USP24: variants seen among roughly 807,000 people sequenced by gnomAD.
The protein encoded by USP24 is ubiquitin carboxyl-terminal hydrolase 24.
A neutral mutation model predicts 361.6 loss-of-function variants in USP24; 97 were observed. The observed-to-expected ratio is 0.27, with a 90% CI of 0.23 to 0.32. The LOEUF (loss-of-function observed/expected upper bound fraction) is 0.32, where lower values mean the gene tolerates loss of function less well. Ranked by LOEUF, USP24 falls within the 10% of genes least tolerant of loss-of-function variation. The pLI is 1.00. For missense variants in USP24, 2,353 were observed against 3,165.6 expected (o/e 0.74, Z 6.16); for synonymous variants, 1,098 against 1,124.6 (o/e 0.98, Z 0.47).
At position 55,148,273 on chromosome 1, in the gene USP24, T is replaced by TAA. The variant is rs142185905; in HGVS notation, c.1968+188_1968+189dup. 4.5e-4 allele frequency among the ~76,000 whole-genome samples: 62 copies of TAA among 137,576 alleles called. 1 individual carries two copies. Among genetic ancestry groups the TAA allele is most frequent in the African/African-American group, 1.2e-3 (47 of 37,958 alleles). 90.3% of individuals were successfully genotyped at this position (137,576 alleles called of 152,430 possible). A position where few individuals can be genotyped will look rare whatever the true frequency, so the allele number is the denominator to read the frequency against. ...TAAAAAGAAAATGAGTTAAGGAGAT[T>TAA]AAAAAAAAAAAAAAGCTCTGCAGAA... On this transcript the variant is annotated intron_variant, in intron 17 of 67. Coordinates refer to ENST00000294383, the MANE Select transcript of USP24 (RefSeq NM_015306.3).
chr1:55,082,180 C>T (rs1250029842), intron 58 of USP24, among the ~76,000 whole-genome samples: 2 of 152,238 alleles, frequency 1.3e-5, no homozygotes, highest in Non-Finnish European at 2.9e-5. Flanking sequence ...GGAAAAGACT[C>T]TGGCTTTGAC....
chr1:55,200,464 T>G (rs1644541036), intron 1 of USP24, among the ~76,000 whole-genome samples: 1 of 152,192 alleles, frequency 6.6e-6, no homozygotes, highest in Admixed American at 6.5e-5. Flanking sequence ...TTCAATAGAT[T>G]GCTTAGTGTT....
chr1:55,148,654 T>C, intron 16 of USP24, 84 bp from the exon 17 acceptor site: 1 of 971,802 alleles, frequency 1.0e-6, no homozygotes, highest in Non-Finnish European at 1.5e-6. Context: ...TTCAAGTCAA[T>C]CAGGTTTACT....
At chr1:55,186,695 A>T (rs1644141736) in intron 1 of USP24, among the ~76,000 whole-genome samples, 1 of 152,220 alleles carries the variant, frequency 6.6e-6, no homozygotes, top group African/African-American at 2.4e-5. Flanking sequence ...TTCCACTTAT[A>T]TGAAAGTACT....
chr1:55,108,474 A>C (rs1050576429), intron 39 of USP24, among the ~76,000 whole-genome samples: 1 of 152,176 alleles, frequency 6.6e-6, no homozygotes, highest in African/African-American at 2.4e-5. Context: ...TCTACCACTT[A>C]CTGTATGACC....
chr1:55,097,051 T>G lies in USP24; in HGVS notation c.5837A>C (p.Lys1946Thr). ...ATAGTTTTCTGTGAGGGCAACCTTTTTTCGTGGGGATCCTCCACCGCCCTG... is the reference window on the plus strand; with the variant it reads ...ATAGTTTTCTGTGAGGGCAACCTTTGTTCGTGGGGATCCTCCACCGCCCTG... ...VDQGGGGSPR[K>T]KVALTENYEL... The change falls in exon 49 of 68, where the codon AAA (lysine) becomes ACA (threonine). Residue 1946 changes from lysine (K) to threonine (T), a missense_variant. Coordinates refer to ENST00000294383, the MANE Select transcript of USP24 (RefSeq NM_015306.3). 6.2e-7 allele frequency: 1 copy of G among 1,613,952 alleles called. No individual in the cohort carries two copies.
At chr1:55,178,341 C>T (rs17111715) in intron 1 of USP24, among the ~76,000 whole-genome samples, 4,461 of 152,156 alleles carry the variant, frequency 0.029, 151 homozygotes, top group African/African-American at 0.081. Context: ...TCTACTCGCT[C>T]GCTTAGAAGG....
intron 1 of USP24, among the ~76,000 whole-genome samples, chr1:55,206,935 G>C (rs984711125): frequency 6.6e-6 from 1 of 152,118 alleles, no homozygotes; most frequent in Admixed American, 6.5e-5. Flanking sequence ...AGGAGGCTGA[G>C]GCAGGCAGAT....
chr1:55,190,604 A>G (rs1644260799), intron 1 of USP24, among the ~76,000 whole-genome samples: 2 of 152,238 alleles, frequency 1.3e-5, no homozygotes, highest in African/African-American at 2.4e-5. Flanking sequence ...AATCCAAATG[A>G]TACAAAAGTA....
At chr1:55,190,694 C>A (rs762227939) in intron 1 of USP24, among the ~76,000 whole-genome samples, 1 of 152,084 alleles carries the variant, frequency 6.6e-6, no homozygotes, top group Non-Finnish European at 1.5e-5. Flanking sequence ...ATGCTCAGTG[C>A]TGAGGACAAA....
chr1:55,199,455 T>C (rs976446569), intron 1 of USP24, among the ~76,000 whole-genome samples: 2 of 152,196 alleles, frequency 1.3e-5, no homozygotes, highest in Non-Finnish European at 2.9e-5. Context: ...AACGTATTAA[T>C]GTTAAATTCC....
chr1:55,105,322 A>G (rs1012474114), intron 41 of USP24, among the ~76,000 whole-genome samples: 1 of 152,148 alleles, frequency 6.6e-6, no homozygotes, highest in African/African-American at 2.4e-5. Flanking sequence ...AAAGGGTTTT[A>G]CTTTTTTTTC....
At chr1:55,213,166 C>A (rs1644890410) in intron 1 of USP24, among the ~76,000 whole-genome samples, 1 of 152,114 alleles carries the variant, frequency 6.6e-6, no homozygotes, top group Non-Finnish European at 1.5e-5. Flanking sequence ...AAAACTGGGT[C>A]AAAAACTAGA....
intron 1 of USP24, among the ~76,000 whole-genome samples, chr1:55,197,722 C>T (rs1447894214): frequency 6.6e-6 from 1 of 152,176 alleles, no homozygotes; most frequent in Non-Finnish European, 1.5e-5. Context: ...ATCACTTGTA[C>T]AACATCCCCA....
Position 55,172,485 on chromosome 1 carries a change from A to G in USP24, c.594T>C (p.Thr198=). Reference sequence around the variant, plus strand: ...TGTTGTAAATTCCTTCATGAATTTCAGTACCCCACTTGTGAACAGCACTTG... The same window carrying G: ...TGTTGTAAATTCCTTCATGAATTTCGGTACCCCACTTGTGAACAGCACTTG... ...LTSSAVHKWG[T]EIHEGIYNML... Residue 198 remains threonine (T), a synonymous_variant, in exon 4 of 68, where the codon ACT becomes ACC. Transcript: ENST00000294383. The G allele has an allele frequency of 6.2e-7, 1 of 1,613,526 alleles. No homozygotes were observed. Among genetic ancestry groups the G allele is most frequent in the East Asian group, 2.2e-5 (1 of 44,818 alleles).
intron 13 of USP24, 43 bp from the exon 14 acceptor site, chr1:55,154,509 T>A: frequency 2.0e-6 from 3 of 1,533,380 alleles, no homozygotes; most frequent in African/African-American, 2.8e-5. Flanking sequence ...ACGATCAAAC[T>A]GGCAAAATAT....
chr1:55,120,636 G>A lies in USP24; in HGVS notation c.4468C>T (p.Leu1490Phe). The A allele has an allele frequency of 6.4e-7, 1 of 1,558,388 alleles. No individual in the cohort carries two copies. Among genetic ancestry groups the A allele is most frequent in the East Asian group, 2.4e-5 (1 of 41,884 alleles). Reference sequence around the variant, plus strand: ...CTCATAATACTAGTTGGAGACCAGAGAGGCAGCTGAGCCGTGAGGATTACG... The same window carrying A: ...CTCATAATACTAGTTGGAGACCAGAAAGGCAGCTGAGCCGTGAGGATTACG... ...LGVILTAQLP[L>F]WSPTSIMRGV... Residue 1490 changes from leucine (L) to phenylalanine (F), a missense_variant, in exon 38 of 68, where the codon CTC (leucine) becomes TTC (phenylalanine). This residue lies in a region of USP24 where 949 missense variants were observed against 1,280.5 expected (regional missense o/e 0.74). Transcript: ENST00000294383.
chr1:55,171,967 G>T (rs899570424), intron 4 of USP24, among the ~76,000 whole-genome samples: 1 of 152,146 alleles, frequency 6.6e-6, no homozygotes, highest in Non-Finnish European at 1.5e-5. Flanking sequence ...GGCTACCGGG[G>T]ATGAGATGAG....
chr1:55,171,504 C>T (rs920493854), intron 5 of USP24, 52 bp downstream of exon 5: 1 of 1,543,520 alleles, frequency 6.5e-7, no homozygotes, highest in Admixed American at 2.0e-5. Context: ...CACAGAAAAT[C>T]TTCTTTTTCA....
Sources: allele counts gnomAD v4.1 joint callset (sites outside exome capture counted in the v4.1 genomes callset), GRCh38; gene constraint gnomAD v4.1.1; regional missense constraint gnomAD v4.1.1; transcripts MANE v1.5; gene names NCBI Gene and HGNC (gene_info 2026-07-23, HGNC 2026-07-21).